MAPRE1: variants seen among roughly 807,000 people sequenced by gnomAD.
The protein encoded by MAPRE1 is microtubule associated protein RP/EB family member 1, also known as microtubule-associated protein RP/EB family member 1.
Under a neutral mutation model 32.1 loss-of-function variants are expected in MAPRE1, and 5 were observed. The observed-to-expected ratio is 0.16, with a 90% confidence interval of 0.08 to 0.33. The LOEUF (loss-of-function observed/expected upper bound fraction) is 0.33. Ranked by LOEUF, MAPRE1 falls within the 10% of genes least tolerant of loss-of-function variation. The pLI, the probability that MAPRE1 is intolerant of heterozygous loss-of-function variation, is 1.00. For synonymous variants in MAPRE1, 122 were observed against 118.9 expected, an observed-to-expected ratio of 1.03 and a Z score of -0.17; for missense variants, 209 against 327.2, an observed-to-expected ratio of 0.64 and a Z score of 2.79.
intron 2 of MAPRE1, among the ~76,000 whole-genome samples, chr20:32,829,042 T>A (rs547060820): frequency 1.1e-4 from 17 of 151,714 alleles, no homozygotes; most frequent in Non-Finnish European, 1.5e-4. Flanking sequence ...TGCCTCAGAC[T>A]CCTGAGGAGC....
intron 5 of MAPRE1, among the ~76,000 whole-genome samples, chr20:32,845,892 A>ATTT (rs1983493634): frequency 6.6e-6 from 1 of 151,998 alleles, no homozygotes. Context: ...TGTACCTTTG[A>ATTT]TTTTGTTGCT....
intron 6 of MAPRE1, among the ~76,000 whole-genome samples, chr20:32,847,634 A>G (rs987788009): frequency 6.6e-6 from 1 of 152,238 alleles, no homozygotes; most frequent in East Asian, 1.9e-4. Flanking sequence ...AAAAAAGACA[A>G]CGAAGATATA....
intron 2 of MAPRE1, among the ~76,000 whole-genome samples, 198 bp from the exon 3 acceptor site, chr20:32,833,519 T>C (rs1983100985): frequency 6.6e-6 from 1 of 152,198 alleles, no homozygotes; most frequent in South Asian, 2.1e-4. Context: ...GGGTTGCAAG[T>C]ATGTTGTAGA....
chr20:32,837,095 C>G (rs1250439323), intron 4 of MAPRE1, among the ~76,000 whole-genome samples: 1 of 152,138 alleles, frequency 6.6e-6, no homozygotes, highest in Non-Finnish European at 1.5e-5. Flanking sequence ...TAATACTTGC[C>G]CCAGAGGGTT....
intron 2 of MAPRE1, among the ~76,000 whole-genome samples, chr20:32,827,531 A>G (rs1982891489): frequency 1.3e-5 from 2 of 152,178 alleles, no homozygotes; most frequent in African/African-American, 2.4e-5. Flanking sequence ...TTATAATTCC[A>G]CTATTCAAGC....
intron 1 of MAPRE1, 111 bp from the exon 2 acceptor site, chr20:32,825,814 T>TC: frequency 1.4e-6 from 1 of 740,022 alleles, no homozygotes; most frequent in Non-Finnish European, 2.0e-6. Flanking sequence ...TAAAATAAAA[T>TC]AAAATTGAGT....
At position 32,845,023 on chromosome 20, in the gene MAPRE1, GTA is replaced by G. The variant is rs1568883580; in HGVS notation, c.598-1593_598-1592del. Among the ~76,000 whole-genome samples, 111 of 151,854 alleles carry G rather than the reference GTA, an allele frequency of 7.3e-4. No homozygotes were observed. The Middle Eastern group carries it at 0.014, about 19-fold the overall frequency. ...TGTATGTATGTATGTATGTATGTAT[GTA>G]TGTATGTATGAATGAATGAATGAAT... On this transcript the variant is annotated intron_variant, in intron 5 of 6. Coordinates refer to ENST00000375571, the MANE Select transcript of MAPRE1 (RefSeq NM_012325.3).
At chr20:32,844,510 G>A (rs567343757) in intron 5 of MAPRE1, among the ~76,000 whole-genome samples, 1 of 122,522 alleles carries the variant, frequency 8.2e-6, no homozygotes, top group African/African-American at 3.1e-5. Flanking sequence ...CGCCTCCCGG[G>A]TTCAAGTGAT....
intron 1 of MAPRE1, among the ~76,000 whole-genome samples, chr20:32,820,267 C>CG (rs1183457970): frequency 3.7e-5 from 4 of 109,234 alleles, no homozygotes; most frequent in African/African-American, 1.7e-4. Context: ...TGCTGCTACG[C>CG]GGGGTGGGGG....
Position 32,833,820 on chromosome 20 carries a change from C to T in MAPRE1, c.225C>T (p.Phe75=). 6.2e-7 allele frequency: 1 copy of T among 1,613,934 alleles called. No individual in the cohort carries two copies. The change falls in exon 3 of 7, where the codon TTC becomes TTT. Residue 75 remains phenylalanine (F), a synonymous_variant. Transcript: ENST00000375571. ...TAGAACACGAGTACATCCAGAACTT[C>T]AAAATACTACAAGCAGGTTTTAAGA... ...AKLEHEYIQN[F]KILQAGFKRM... is the part of the protein sequence containing the mutation.
intron 1 of MAPRE1, among the ~76,000 whole-genome samples, chr20:32,821,436 C>G (rs563241788): frequency 6.6e-6 from 1 of 152,352 alleles, no homozygotes; most frequent in South Asian, 2.1e-4. Flanking sequence ...CTCTTAACCT[C>G]TTTATTACAC....
At chr20:32,843,342 C>T (rs1983414972) in intron 5 of MAPRE1, 1 of 152,150 alleles carries the variant, frequency 6.6e-6, no homozygotes, top group Admixed American at 6.5e-5. Flanking sequence ...TCTGCACACA[C>T]TACCTTGTGG....
chr20:32,839,821 A>G lies in MAPRE1; in HGVS notation c.562A>G (p.Asn188Asp). 6.2e-7 allele frequency: 1 copy of G among 1,614,212 alleles called. No homozygotes were observed. The highest frequency in any genetic ancestry group is 8.5e-7 in the Non-Finnish European group (1 of 1,180,040). ...GVVRKNPGVG[N>D]GDDEAAELMQ... The stretch of plus-strand genomic sequence containing the variant: ...GGTGCGAAAGAACCCTGGTGTGGGC[A>G]ACGGAGACGACGAGGCAGCTGAGTT... The change falls in exon 5 of 7, where the codon AAC (asparagine) becomes GAC (aspartate). Residue 188 changes from asparagine (N) to aspartate (D), a missense_variant. Coordinates refer to ENST00000375571, the MANE Select transcript of MAPRE1 (RefSeq NM_012325.3).
At chr20:32,837,597 C>T (rs1983236538) in intron 4 of MAPRE1, among the ~76,000 whole-genome samples, 1 of 152,080 alleles carries the variant, frequency 6.6e-6, no homozygotes, top group South Asian at 2.1e-4. Flanking sequence ...TTCATAATAC[C>T]TAGAGAGAGG....
At position 32,849,068 on chromosome 20, in the gene MAPRE1, A is replaced by C. The variant is rs1983581473; in HGVS notation, c.*340A>C. ...TGGCGACCTCAGTGGAGAAATGTAA[A>C]GACTGAATTGAATTTTAAGCTAATG... is the stretch of plus-strand genomic sequence containing the variant. On this transcript the variant is annotated 3_prime_UTR_variant, in exon 7 of 7. Transcript: ENST00000375571. The C allele has an allele frequency of 5.4e-6, 1 of 186,304 alleles. No homozygotes were observed. Among genetic ancestry groups the C allele is most frequent in the African/African-American group, 2.3e-5 (1 of 42,826 alleles). 11.5% of individuals were successfully genotyped at this position (186,304 alleles called of 1,614,324 possible).
At chr20:32,821,862 T>C (rs962438436) in intron 1 of MAPRE1, among the ~76,000 whole-genome samples, 3 of 152,266 alleles carry the variant, frequency 2.0e-5, no homozygotes, top group Non-Finnish European at 4.4e-5. Flanking sequence ...AGCTTTTTCA[T>C]GGTGGTGGTG....
chr20:32,829,650 C>T (rs1409235681), intron 2 of MAPRE1, among the ~76,000 whole-genome samples: 2 of 152,220 alleles, frequency 1.3e-5, no homozygotes, highest in Non-Finnish European at 2.9e-5. Flanking sequence ...CACAGCTTTA[C>T]AAAGTAGGAA....
Position 32,846,653 on chromosome 20 carries a change from G to A in MAPRE1, c.633G>A (p.Glu211=), listed in dbSNP as rs1215714348. The part of the protein sequence containing the change: ...NVLKLTVEDL[E]KERDFYFGKL... ...TGAAACTTACTGTTGAAGACTTGGAGAAAGAGAGGGATTTCTACTTCGGAA... is the reference window on the plus strand; with the variant it reads ...TGAAACTTACTGTTGAAGACTTGGAAAAAGAGAGGGATTTCTACTTCGGAA... The change falls in exon 6 of 7, where the codon GAG becomes GAA. Residue 211 remains glutamate (E), a synonymous_variant. Coordinates refer to ENST00000375571, the MANE Select transcript of MAPRE1 (RefSeq NM_012325.3). 1 of 1,612,534 alleles carries A rather than the reference G, an allele frequency of 6.2e-7. No homozygotes were observed. The highest frequency in any genetic ancestry group is 1.3e-5 in the African/African-American group (1 of 74,870).
chr20:32,838,863 T>A (rs1479730355), intron 4 of MAPRE1, among the ~76,000 whole-genome samples: 1 of 152,216 alleles, frequency 6.6e-6, no homozygotes, highest in Non-Finnish European at 1.5e-5. Context: ...AGATGAGATA[T>A]TTTCAAACCT....
Sources: gnomAD v4.1 joint callset for allele counts (sites outside exome capture counted in the v4.1 genomes callset) on GRCh38, gnomAD v4.1.1 for gene constraint, MANE v1.5 for transcripts, NCBI Gene and HGNC (gene_info 2026-07-23, HGNC 2026-07-21) for gene names.